Variants in POLR2G observed in about 807,000 individuals in gnomAD.
POLR2G encodes RNA polymerase II subunit G.
In POLR2G, 19 loss-of-function variants were observed where a neutral mutation model predicts 25.7. The ratio of observed to expected loss-of-function variants is 0.74; its 90% CI spans 0.52 to 1.08. The LOEUF (loss-of-function observed/expected upper bound fraction) is 1.08, where lower values mean the gene tolerates loss of function less well. Ranked by LOEUF, POLR2G falls within the 50% of genes least tolerant of loss-of-function variation. The pLI is 0.00. For missense variants in POLR2G, 123 were observed against 218.5 expected (o/e 0.56, Z 2.76); for synonymous variants, 79 against 76.0 (o/e 1.04, Z -0.21).
chr11:62,763,890 C>A (rs1393599511), intron 3 of POLR2G, among the ~76,000 whole-genome samples: 2 of 151,824 alleles, frequency 1.3e-5, no homozygotes, highest in African/African-American at 4.8e-5. Flanking sequence ...TATAGGCATG[C>A]GCCACCATGC....
Position 62,766,523 on chromosome 11 carries a change from A to C in POLR2G, c.*16A>C. 1 of 1,611,844 alleles carries C rather than the reference A, an allele frequency of 6.2e-7. No individual in the cohort carries two copies. ...TGTAAGCTGAGCCTGGTGGCCTCCTACCCTTGGTCCTACTCTAGGAAGTGT... is the reference window on the plus strand; with the variant it reads ...TGTAAGCTGAGCCTGGTGGCCTCCTCCCCTTGGTCCTACTCTAGGAAGTGT... On this transcript the variant is annotated 3_prime_UTR_variant, in exon 8 of 8. Transcript: ENST00000301788.
chr11:62,761,830 C>T lies in POLR2G; in HGVS notation c.48C>T (p.Arg16=). 1 of 1,614,028 alleles carries T rather than the reference C, an allele frequency of 6.2e-7. No homozygotes were observed. The highest frequency in any genetic ancestry group is 2.2e-5 in the East Asian group (1 of 44,886). The change falls in exon 2 of 8, where the codon CGC becomes CGT. Residue 16 remains arginine (R), a synonymous_variant. Transcript: ENST00000301788. ...SLEHEILLHP[R]YFGPNLLNTV... ...AGCACGAAATCCTGCTGCACCCGCGCTACTTCGGCCCCAACTTGCTCAACA... is the reference window on the plus strand; with the variant it reads ...AGCACGAAATCCTGCTGCACCCGCGTTACTTCGGCCCCAACTTGCTCAACA...
intron 3 of POLR2G, among the ~76,000 whole-genome samples, chr11:62,764,549 C>T (rs1041757894): frequency 6.6e-6 from 1 of 151,998 alleles, no homozygotes; most frequent in African/African-American, 2.4e-5. Context: ...AATCCCAGTG[C>T]TTTGGGGGGC....
chr11:62,765,516 G>A, intron 5 of POLR2G, 111 bp downstream of exon 5: 1 of 1,113,878 alleles, frequency 9.0e-7, no homozygotes, highest in Non-Finnish European at 1.4e-6. Flanking sequence ...ACCATGGCTT[G>A]ATTCATGATT....
intron 5 of POLR2G, 91 bp from the exon 6 acceptor site, chr11:62,765,562 T>C: frequency 9.0e-7 from 1 of 1,109,284 alleles, no homozygotes; most frequent in South Asian, 1.2e-5. Context: ...TGATGTGCAT[T>C]CAATATGCCC....
chr11:62,761,681 C>G (rs1199655680), intron 1 of POLR2G, 21 bp downstream of exon 1: 6 of 1,611,490 alleles, frequency 3.7e-6, no homozygotes, highest in Non-Finnish European at 5.1e-6. Context: ...CTCAGGGTGG[C>G]GGCAAGGGCT....
chr11:62,766,039 G>A (rs539539902), intron 6 of POLR2G, among the ~76,000 whole-genome samples: 2 of 152,010 alleles, frequency 1.3e-5, no homozygotes, highest in South Asian at 4.2e-4. Context: ...CACCCGACTC[G>A]GCCTCCCAAA....
intron 1 of POLR2G, 54 bp from the exon 2 acceptor site, chr11:62,761,741 C>A: frequency 1.2e-6 from 2 of 1,605,258 alleles, no homozygotes; most frequent in South Asian, 2.2e-5. Flanking sequence ...CTCCCCTTGT[C>A]GTCCAATAAC....
At chr11:62,765,084 C>T in intron 3 of POLR2G, 98 bp from the exon 4 acceptor site, 4 of 995,298 alleles carry the variant, frequency 4.0e-6, no homozygotes, top group Non-Finnish European at 6.3e-6. Context: ...GTCTGAAACT[C>T]CTGACCTCGT....
intron 6 of POLR2G, 25 bp from the exon 7 acceptor site, chr11:62,766,218 T>C: frequency 6.2e-7 from 1 of 1,612,400 alleles, no homozygotes; most frequent in Non-Finnish European, 8.5e-7. Flanking sequence ...TTGGCTTCAC[T>C]TTCTTTTTAC....
At chr11:62,764,075 A>G (rs923349843) in intron 3 of POLR2G, among the ~76,000 whole-genome samples, 6 of 152,162 alleles carry the variant, frequency 3.9e-5, no homozygotes, top group Non-Finnish European at 8.8e-5. Context: ...GAAGCTTGGA[A>G]GAAATTAAGT....
At position 62,761,936 on chromosome 11, in the gene POLR2G, G is replaced by C. The variant is rs199874136; in HGVS notation, c.122+32G>C. On this transcript the variant is annotated intron_variant, in intron 2 of 7. Transcript: ENST00000301788. ...GTCGAGCTCACCGCACCGCCAGATC[G>C]TTCGATGCGCACACGGGGCGCTATA... 56 of 1,468,310 alleles carry C rather than the reference G, an allele frequency of 3.8e-5. No individual in the cohort carries two copies. The Admixed American group carries it at 7.6e-4, about 20-fold the overall frequency. 91.0% of individuals were successfully genotyped at this position (1,468,310 alleles called of 1,614,324 possible).
At position 62,761,774 on chromosome 11, in the gene POLR2G, C is replaced by T. The variant is rs201652990; in HGVS notation, c.13-21C>T. 1.3e-4 allele frequency: 211 copies of T among 1,611,634 alleles called. 1 individual carries two copies. In the African/African-American group the frequency reaches 2.0e-3, roughly 15 times the overall value. ...AACCTGCCAGCGCCTGGCCTGGTCG[C>T]CATCCCACTTTTCTCCGCAGATCTC... On this transcript the variant is annotated intron_variant, in intron 1 of 7. Transcript: ENST00000301788.
chr11:62,764,492 G>A (rs925885552), intron 3 of POLR2G, among the ~76,000 whole-genome samples: 4 of 151,504 alleles, frequency 2.6e-5, no homozygotes, highest in African/African-American at 4.9e-5. Flanking sequence ...ACAAATGAAA[G>A]CTTAAAAAAA....
rs754863843 is a variant in POLR2G at position 62,762,976 on chromosome 11, C to T, written c.232C>T (p.Arg78Trp). Reference sequence around the variant, plus strand: ...AGTTAAGTACAAGGCCATTGTTTTCCGGCCATTTAAAGGGGAGGTCGTGGA... The same window carrying T: ...AGTTAAGTACAAGGCCATTGTTTTCTGGCCATTTAAAGGGGAGGTCGTGGA... Reference protein sequence around the residue: ...YPVKYKAIVFRPFKGEVVDAV... With the variant: ...YPVKYKAIVFWPFKGEVVDAV... The change falls in exon 3 of 8, where the codon CGG becomes TGG. Residue 78 changes from arginine to tryptophan, a missense_variant. Transcript: ENST00000301788. The T allele has an allele frequency of 1.9e-6, 3 of 1,610,908 alleles. No individual in the cohort carries two copies. The highest frequency in any genetic ancestry group is 1.7e-6 in the Non-Finnish European group (2 of 1,177,452).
At chr11:62,763,530 G>A (rs1275693528) in intron 3 of POLR2G, among the ~76,000 whole-genome samples, 2 of 151,830 alleles carry the variant, frequency 1.3e-5, no homozygotes, top group Non-Finnish European at 2.9e-5. Context: ...TCCTGACCTC[G>A]TGATCCACCC....
chr11:62,761,660 T>C lies in POLR2G; in HGVS notation c.12T>C (p.His4=). The change falls in exon 1 of 8, where the codon CAT becomes CAC. Residue 4 remains histidine, a splice_region_variant and synonymous_variant. Coordinates refer to ENST00000301788, the MANE Select transcript of POLR2G (RefSeq NM_002696.3). MFY[H]ISLEHEILLH... ...CCTGGTCTGGGAAGATGTTCTACCA[T>C]GTGAGCAGGGCTCAGGGTGGCGGCA... The C allele has an allele frequency of 6.2e-7, 1 of 1,612,278 alleles. No individual in the cohort carries two copies. The highest frequency in any genetic ancestry group is 8.5e-7 in the Non-Finnish European group (1 of 1,178,794).
Position 62,766,609 on chromosome 11 carries a change from A to C in POLR2G, c.*102A>C. The C allele has an allele frequency of 1.9e-6, 2 of 1,079,616 alleles. No individual in the cohort carries two copies. Among genetic ancestry groups the C allele is most frequent in the Admixed American group, 3.8e-5 (2 of 52,924 alleles). The allele number at this position is 1,079,616 out of a possible 1,614,324, so 66.9% of individuals were successfully genotyped here. On this transcript the variant is annotated 3_prime_UTR_variant, in exon 8 of 8. Transcript: ENST00000301788. ...TCTGGCTGCTGTTGTGGAGGCAAGG[A>C]AGGCAACTCATCCCAGAAGGCATCT...
chr11:62,763,109 C>A, intron 3 of POLR2G, 83 bp downstream of exon 3: 1 of 738,686 alleles, frequency 1.4e-6, no homozygotes, highest in Non-Finnish European at 2.1e-6. Context: ...TAACTCTGTG[C>A]CTTTGGCTAA....
Sources: gnomAD v4.1 joint callset for allele counts (sites outside exome capture counted in the v4.1 genomes callset) on GRCh38, gnomAD v4.1.1 for gene constraint, MANE v1.5 for transcripts, NCBI Gene and HGNC (gene_info 2026-07-23, HGNC 2026-07-21) for gene names.